MYH1: variants seen among roughly 807,000 people sequenced by gnomAD.
MYH1 encodes myosin-1.
In MYH1, 214 loss-of-function variants were observed where a neutral mutation model predicts 225.6. That is an observed-to-expected ratio of 0.95 (90% confidence interval 0.85 to 1.06). The LOEUF is 1.06. Ranked by LOEUF, MYH1 falls within the 50% of genes least tolerant of loss-of-function variation. MYH1 has a pLI of 0.00. For missense variants in MYH1, 2,098 were observed against 2,344.2 expected (o/e 0.89, Z 2.17); for synonymous variants, 774 against 842.3 (o/e 0.92, Z 1.40).
In MYH1 at chr17:10,509,442, C is replaced by T. The variant is rs370236868; in HGVS notation, c.1587+43G>A. 13 of 1,613,386 alleles carry T rather than the reference C, an allele frequency of 8.1e-6. No individual in the cohort carries two copies. In the African/African-American group the frequency reaches 1.6e-4, roughly 20 times the overall value. On this transcript the variant is annotated intron_variant, in intron 15 of 39. Transcript: ENST00000226207. Reference sequence around the variant, plus strand: ...AGATTTTATGATTTTCTTTTAAATACTGTACAGCAGTATGATCTGTGGTCT... The same window carrying T: ...AGATTTTATGATTTTCTTTTAAATATTGTACAGCAGTATGATCTGTGGTCT...
rs745604359 is a variant in MYH1, at chr17:10,514,014, A to C, written c.644T>G (p.Met215Arg). ...CTGACTAACAATCAGACTCACCTGC[A>C]TTTTGCCAGAAGTAACTTCTTCCTT... ...KKKEEVTSGK[M>R]QGTLEDQIIS... The change falls in exon 7 of 40, where the codon ATG becomes AGG. Residue 215 changes from methionine (M) to arginine (R), a missense_variant. Met to Arg is a moderately conservative substitution (Grantham distance 91, BLOSUM62 -1). Coordinates refer to ENST00000226207, the MANE Select transcript of MYH1 (RefSeq NM_005963.4). The C allele has an allele frequency of 2.5e-6, 4 of 1,614,014 alleles. No individual in the cohort carries two copies. In the African/African-American group the frequency reaches 5.3e-5, roughly 22 times the overall value.
intron 17 of MYH1, 55 bp from the exon 18 acceptor site, chr17:10,506,154 A>C: frequency 6.3e-7 from 1 of 1,592,702 alleles, no homozygotes; most frequent in Non-Finnish European, 8.6e-7. Context: ...CTACATTCAT[A>C]TTTATAGACA....
At chr17:10,509,075 C>G (rs1434020878) in intron 15 of MYH1, among the ~76,000 whole-genome samples, 3 of 152,140 alleles carry the variant, frequency 2.0e-5, no homozygotes, top group Admixed American at 2.0e-4. Context: ...GGGAAACCTG[C>G]AATTGTACCA....
At chr17:10,497,578 A>G in intron 31 of MYH1, 126 bp from the exon 32 acceptor site, 1 of 1,483,318 alleles carries the variant, frequency 6.7e-7, no homozygotes, top group Non-Finnish European at 9.0e-7. Context: ...TGAGAAGAAT[A>G]GAAACCATAG....
At chr17:10,501,569 G>A (rs1047897258) in intron 26 of MYH1, 25 bp downstream of exon 26, 1 of 1,614,180 alleles carries the variant, frequency 6.2e-7, no homozygotes, top group Admixed American at 1.7e-5. Context: ...TGTTAAATTA[G>A]CCTGGCGAAA....
At position 10,514,372 on chromosome 17, in the gene MYH1, G is replaced by T. The variant is rs79827834; in HGVS notation, c.534-248C>A. On this transcript the variant is annotated intron_variant, in intron 6 of 39. Transcript: ENST00000226207. The stretch of plus-strand genomic sequence containing the variant: ...TTTTTTTCTGGGTGCTGAGGCCTGG[G>T]CTTGAGGGGTCTGAAAAGCAGCTAC... 5.3e-4 allele frequency among the ~76,000 whole-genome samples: 81 copies of T among 152,300 alleles called. 1 individual carries two copies. In the East Asian group the frequency reaches 0.015, roughly 28 times the overall value.
chr17:10,499,113 A>C (rs2073027800), intron 28 of MYH1, 21 bp from the exon 29 acceptor site: 1 of 1,579,702 alleles, frequency 6.3e-7, no homozygotes, highest in Non-Finnish European at 8.7e-7. Flanking sequence ...CCAAGTCCAG[A>C]AAACTCAACC....
chr17:10,510,561 A>G (rs1431797719), intron 14 of MYH1, among the ~76,000 whole-genome samples: 4 of 152,152 alleles, frequency 2.6e-5, no homozygotes, highest in Non-Finnish European at 5.9e-5. Context: ...CTGCTTTATT[A>G]TTCGGGACAC....
Position 10,497,878 on chromosome 17 carries a change from AT to A in MYH1, c.4220del (p.His1407LeufsTer2). ...LAQRLQDAEE[H>X]VEAVNAKCAS... ...CACATTTGGCATTCACAGCTTCTAC[AT>A]GTTCCTCAGCATCCTGCAGACGCTG... On this transcript the variant is annotated frameshift_variant, in exon 31 of 40. Transcript: ENST00000226207. LOFTEE classifies it high-confidence loss of function. 1 of 1,611,898 alleles carries A rather than the reference AT, an allele frequency of 6.2e-7. No individual in the cohort carries two copies. Among genetic ancestry groups the A allele is most frequent in the South Asian group, 1.1e-5 (1 of 90,442 alleles).
At chr17:10,503,354 G>A (rs551584225) in intron 22 of MYH1, 106 bp from the exon 23 acceptor site, 2 of 1,465,668 alleles carry the variant, frequency 1.4e-6, no homozygotes, top group South Asian at 1.4e-5. Context: ...AAGCCTTCAG[G>A]TTAATTTTTA....
Position 10,492,418 on chromosome 17 carries a change from A to C in MYH1, c.5818T>G (p.Ter1940GluextTer3), listed in dbSNP as rs757148135. Reference protein sequence around the residue: ...EVHTKIISEE* With the variant: ...EVHTKIISEEE ...TCACCTTTCAGCAGTTAGATAAATT[A>C]CTCTTCACTTATGATTTTTGTGTGA... The change falls in exon 40 of 40, where the codon TAA becomes GAA. Residue 1940 changes from the stop codon to glutamate (E), a stop_lost. Transcript: ENST00000226207. 2 of 1,613,248 alleles carry C rather than the reference A, an allele frequency of 1.2e-6. No individual in the cohort carries two copies. Among genetic ancestry groups the C allele is most frequent in the South Asian group, 1.1e-5 (1 of 90,892 alleles).
At chr17:10,498,232 T>G (rs970275509) in intron 30 of MYH1, among the ~76,000 whole-genome samples, 1 of 152,242 alleles carries the variant, frequency 6.6e-6, no homozygotes, top group Non-Finnish European at 1.5e-5. Context: ...CTTGAATTAC[T>G]GGTTTGTTTT....
chr17:10,500,828 C>T, intron 27 of MYH1, 76 bp from the exon 28 acceptor site: 2 of 1,587,002 alleles, frequency 1.3e-6, no homozygotes, highest in Non-Finnish European at 8.6e-7. Context: ...CTAAACATTC[C>T]ATATGAGCTG....
chr17:10,500,840 A>G, intron 27 of MYH1, 88 bp from the exon 28 acceptor site: 1 of 1,555,248 alleles, frequency 6.4e-7, no homozygotes, highest in South Asian at 1.2e-5. Context: ...TATGAGCTGC[A>G]GTACTCATTT....
rs761337046 is a variant in MYH1 at position 10,507,876 on chromosome 17, A to T, written c.1968+10T>A. The T allele has an allele frequency of 9.3e-6, 15 of 1,607,540 alleles. No homozygotes were observed. The highest frequency in any genetic ancestry group is 1.3e-5 in the Non-Finnish European group (15 of 1,175,222). On this transcript the variant is annotated intron_variant, in intron 17 of 39. Transcript: ENST00000226207. ...TAAATCTAATTAGACAGAGAAAATGAAGTTTGTACCCTGAAGAGAGCAGAC... is the reference window on the plus strand; with the variant it reads ...TAAATCTAATTAGACAGAGAAAATGTAGTTTGTACCCTGAAGAGAGCAGAC...
In MYH1 at chr17:10,495,220, T is replaced by C; in HGVS notation, c.5267A>G (p.Glu1756Gly). 1 of 1,614,228 alleles carries C rather than the reference T, an allele frequency of 6.2e-7. No homozygotes were observed. The change falls in exon 36 of 40, where the codon GAA becomes GGA. Residue 1756 changes from glutamate (E) to glycine (G), a missense_variant. Physicochemically the swap from Glu to Gly is moderately conservative, Grantham distance 98. Transcript: ENST00000226207. ...AGTGATGGCCTTCTTGGCCTTCTCT[T>C]CTGCATTGCGGGCTTCCTGGATGAT... ...EDIIQEARNA[E>G]EKAKKAITDA...
chr17:10,516,183 G>A lies in MYH1; in HGVS notation c.348+16C>T, dbSNP rs368405835. The A allele has an allele frequency of 2.0e-5, 32 of 1,613,930 alleles. No individual in the cohort carries two copies. Among genetic ancestry groups the A allele is most frequent in the Middle Eastern group, 1.6e-4 (1 of 6,084 alleles). On this transcript the variant is annotated intron_variant, in intron 4 of 39. Transcript: ENST00000226207. ...TAACTACTCTCATGAGTAGAAGACCGTGAGAAAGAACTCACGTAGATCATC... is the reference window on the plus strand; with the variant it reads ...TAACTACTCTCATGAGTAGAAGACCATGAGAAAGAACTCACGTAGATCATC...
chr17:10,500,225 G>A (rs906851004), intron 28 of MYH1, among the ~76,000 whole-genome samples: 5 of 152,086 alleles, frequency 3.3e-5, no homozygotes, highest in Non-Finnish European at 7.4e-5. Context: ...CACATAGCTT[G>A]CGAAAGCATT....
chr17:10,495,552 G>C (rs563834761), intron 35 of MYH1, among the ~76,000 whole-genome samples: 33 of 151,926 alleles, frequency 2.2e-4, no homozygotes, highest in African/African-American at 8.0e-4. Flanking sequence ...ACGAGATCAG[G>C]AGATCAAGAC....
Sources: allele counts gnomAD v4.1 joint callset (sites outside exome capture counted in the v4.1 genomes callset), GRCh38; gene constraint gnomAD v4.1.1; transcripts MANE v1.5; gene names NCBI Gene and HGNC (gene_info 2026-07-23, HGNC 2026-07-21).